SYT14: variants seen among roughly 807,000 people sequenced by gnomAD.
SYT14 encodes the protein synaptotagmin-14.
Under a neutral mutation model 74.2 loss-of-function variants are expected in SYT14, and 32 were observed. That is an observed-to-expected ratio of 0.43 (90% CI 0.33 to 0.58). The LOEUF is 0.58. Among genes scored for constraint, SYT14 ranks in the 20% least tolerant of loss-of-function variants. SYT14 has a pLI of 0.05. For missense variants in SYT14, 791 were observed against 981.8 expected (o/e 0.81, Z 2.60); for synonymous variants, 298 against 337.7 (o/e 0.88, Z 1.29).
chr1:210,123,814 A>C (rs2082513461), intron 7 of SYT14, among the ~76,000 whole-genome samples: 1 of 152,202 alleles, frequency 6.6e-6, no homozygotes, highest in African/African-American at 2.4e-5. Flanking sequence ...TAAACAGAAA[A>C]TAAAATTATG....
At chr1:210,164,366 T>C in exon 10 of SYT14, 1 of 184,748 alleles carries the variant, frequency 5.4e-6, no homozygotes. Context: ...GTAAAGCAGT[T>C]TCATCCAACC....
At chr1:210,089,570 T>A (rs2081819848) in intron 5 of SYT14, among the ~76,000 whole-genome samples, 1 of 152,246 alleles carries the variant, frequency 6.6e-6, no homozygotes, top group South Asian at 2.1e-4. Flanking sequence ...ATGATTGATA[T>A]CTTCAGGATA....
chr1:210,029,545 TCCCCTGTCAAAAATCA>T (rs1427182736), intron 5 of SYT14, among the ~76,000 whole-genome samples: 5 of 152,288 alleles, frequency 3.3e-5, no homozygotes, highest in Middle Eastern at 3.4e-3. Flanking sequence ...GTGGTCTTGG[TCCCCTGTCAAAAATCA>T]TTTGACCATA....
At chr1:210,136,333 G>A (rs1055393761) in intron 7 of SYT14, among the ~76,000 whole-genome samples, 1 of 152,064 alleles carries the variant, frequency 6.6e-6, no homozygotes, top group Non-Finnish European at 1.5e-5. Context: ...GAAAGGGAAC[G>A]GGGTCAGTGA....
chr1:209,956,559 T>C (rs2078996164), intron 2 of SYT14, among the ~76,000 whole-genome samples: 1 of 152,130 alleles, frequency 6.6e-6, no homozygotes, highest in African/African-American at 2.4e-5. Context: ...AAGATTACCA[T>C]GTCAATAATT....
At chr1:209,990,549 G>GTATATATATGTATA in intron 2 of SYT14, among the ~76,000 whole-genome samples, 13 of 56,894 alleles carry the variant, frequency 2.3e-4, no homozygotes, top group African/African-American at 4.6e-4. Flanking sequence ...GTATATATAT[G>GTATATATATGTATA]TATATATATA....
At chr1:210,158,213 C>T (rs1421925026) in intron 8 of SYT14, among the ~76,000 whole-genome samples, 1 of 152,152 alleles carries the variant, frequency 6.6e-6, no homozygotes, top group African/African-American at 2.4e-5. Flanking sequence ...TGATCATCTT[C>T]ATTAGTATAG....
At chr1:209,970,977 G>A (rs1018818149) in intron 2 of SYT14, among the ~76,000 whole-genome samples, 1 of 152,040 alleles carries the variant, frequency 6.6e-6, no homozygotes, top group Non-Finnish European at 1.5e-5. Context: ...ACTGCGCCCA[G>A]GGCAGTATGG....
intron 2 of SYT14, among the ~76,000 whole-genome samples, chr1:209,967,854 T>A (rs967866844): frequency 2.6e-5 from 4 of 152,134 alleles, no homozygotes; most frequent in Non-Finnish European, 4.4e-5. Context: ...AACTTAGGGT[T>A]TTATTAGCTC....
At chr1:209,992,162 T>C (rs61116131) in intron 2 of SYT14, among the ~76,000 whole-genome samples, 1 of 152,144 alleles carries the variant, frequency 6.6e-6, no homozygotes, top group African/African-American at 2.4e-5. Flanking sequence ...TTGTTTTTGC[T>C]TGAGACAGGG....
chr1:210,100,372 G>A (rs1233007445), exon 7 of SYT14: 1 of 1,613,820 alleles, frequency 6.2e-7, no homozygotes, highest in Non-Finnish European at 8.5e-7. Context: ...AGAAAAGATT[G>A]TGGGGGAAAA....
chr1:210,000,478 A>G (rs1203782164), intron 2 of SYT14, among the ~76,000 whole-genome samples: 2 of 150,958 alleles, frequency 1.3e-5, no homozygotes, highest in Non-Finnish European at 2.9e-5. Context: ...ACACACACAC[A>G]CACACACACA....
chr1:210,083,560 T>G (rs1026819377), intron 5 of SYT14, among the ~76,000 whole-genome samples: 1 of 151,566 alleles, frequency 6.6e-6, no homozygotes, highest in African/African-American at 2.4e-5. Flanking sequence ...GCCACAATGC[T>G]CAGCTAATTT....
chr1:210,059,831 CAT>C (rs1163676344), intron 5 of SYT14, among the ~76,000 whole-genome samples: 1 of 152,098 alleles, frequency 6.6e-6, no homozygotes, highest in Non-Finnish European at 1.5e-5. Flanking sequence ...ATTTGCAAGA[CAT>C]GTTTATATAT....
At chr1:210,108,944 G>T (rs1377451717) in intron 7 of SYT14, among the ~76,000 whole-genome samples, 1 of 152,100 alleles carries the variant, frequency 6.6e-6, no homozygotes, top group Non-Finnish European at 1.5e-5. Flanking sequence ...AGAGTGTGAT[G>T]GTGGAAGTGG....
chr1:210,038,779 T>G (rs997513116), intron 5 of SYT14, among the ~76,000 whole-genome samples: 1 of 152,106 alleles, frequency 6.6e-6, no homozygotes, highest in Admixed American at 6.6e-5. Flanking sequence ...TGCTGGGAAG[T>G]CTGCTTTTAG....
At chr1:210,108,609 C>T (rs938443326) in intron 7 of SYT14, among the ~76,000 whole-genome samples, 1 of 150,266 alleles carries the variant, frequency 6.7e-6, no homozygotes, top group Non-Finnish European at 1.5e-5. Flanking sequence ...TGTTTAAATA[C>T]TAATGCAAAT....
chr1:210,153,183 G>T (rs1289512801), intron 7 of SYT14, among the ~76,000 whole-genome samples: 3 of 152,076 alleles, frequency 2.0e-5, no homozygotes, highest in South Asian at 2.1e-4. Context: ...TAAAACATTG[G>T]TATCACTCCA....
At chr1:210,075,739 G>C (rs2081488079) in intron 5 of SYT14, among the ~76,000 whole-genome samples, 1 of 152,070 alleles carries the variant, frequency 6.6e-6, no homozygotes, top group South Asian at 2.1e-4. Context: ...CCTCACCTAG[G>C]TCTGTGGGCA....
Sources: gnomAD v4.1 joint callset for allele counts (sites outside exome capture counted in the v4.1 genomes callset) on GRCh38, gnomAD v4.1.1 for gene constraint, MANE v1.5 for transcripts, NCBI Gene and HGNC (gene_info 2026-07-23, HGNC 2026-07-21) for gene names.